The following LINGO2 variants were observed in gnomAD, a reference collection of about 807,000 sequenced individuals.
LINGO2 encodes the protein leucine rich repeat and Ig domain containing 2, also known as leucine-rich repeat and immunoglobulin-like domain-containing nogo receptor-interacting protein 2.
LINGO2 carries 14 observed loss-of-function variants against 30.6 expected under a neutral mutation model. The ratio of observed to expected loss-of-function variants is 0.46; its 90% CI spans 0.30 to 0.72. LINGO2 has a LOEUF of 0.72. LINGO2 is among the 30% of genes least tolerant of loss of function. The pLI is 0.07. For missense variants in LINGO2, 729 were observed against 751.7 expected (o/e 0.97, Z 0.35); for synonymous variants, 317 against 288.5 (o/e 1.10, Z -1.00).
chr9:28,140,670 G>A (rs1827646521), intron 4 of LINGO2, among the ~76,000 whole-genome samples: 1 of 152,022 alleles, frequency 6.6e-6, no homozygotes, highest in Non-Finnish European at 1.5e-5. Context: ...CCCATAGATG[G>A]AGTTATCACT....
At chr9:28,717,267 T>TAACTGAGCTCAAA in the LINGO2 span, among the ~76,000 whole-genome samples, 1 of 151,086 alleles carries the variant, frequency 6.6e-6, no homozygotes, top group Non-Finnish European at 1.5e-5. Flanking sequence ...CCATGGCACT[T>TAACTGAGCTCAAA]AACTGAGCTC....
chr9:29,149,970 A>G, the LINGO2 span, among the ~76,000 whole-genome samples: 2 of 152,056 alleles, frequency 1.3e-5, no homozygotes, highest in African/African-American at 4.8e-5. Context: ...GCTTGATGCC[A>G]GTTATTGAAG....
chr9:28,110,925 A>C (rs1826761969), intron 4 of LINGO2, among the ~76,000 whole-genome samples: 1 of 152,166 alleles, frequency 6.6e-6, no homozygotes, highest in Non-Finnish European at 1.5e-5. Context: ...TACTATAAAG[A>C]TACATGCACA....
chr9:28,777,069 C>T, the LINGO2 span, among the ~76,000 whole-genome samples: 705 of 152,090 alleles, frequency 4.6e-3, 12 homozygotes, highest in East Asian at 0.064. Context: ...CTTGGTGAGA[C>T]GCGCTTTCTT....
At chr9:28,627,855 T>A (rs1826751758) in intron 1 of LINGO2, among the ~76,000 whole-genome samples, 1 of 152,224 alleles carries the variant, frequency 6.6e-6, no homozygotes, top group African/African-American at 2.4e-5. Context: ...GCTAATGAGA[T>A]AAAATACCAA....
chr9:28,727,410 C>A, the LINGO2 span, among the ~76,000 whole-genome samples: 2 of 152,108 alleles, frequency 1.3e-5, no homozygotes, highest in East Asian at 3.9e-4. Context: ...CTCAGCCTCC[C>A]GAGTAGCTGG....
intron 4 of LINGO2, among the ~76,000 whole-genome samples, chr9:28,151,565 A>G (rs1308037342): frequency 6.6e-6 from 1 of 151,878 alleles, no homozygotes; most frequent in Non-Finnish European, 1.5e-5. Context: ...ATGTAATATA[A>G]TTCAAGATGT....
At chr9:28,044,810 A>C (rs1035188792) in intron 4 of LINGO2, among the ~76,000 whole-genome samples, 6 of 151,650 alleles carry the variant, frequency 4.0e-5, no homozygotes, top group Admixed American at 3.9e-4. Context: ...ATAAGGAATC[A>C]GAGACTTTTC....
intron 4 of LINGO2, among the ~76,000 whole-genome samples, chr9:28,131,029 T>C (rs1037872832): frequency 3.3e-5 from 5 of 152,106 alleles, no homozygotes; most frequent in African/African-American, 4.8e-5. Context: ...ACTTCTACCA[T>C]GCTCCCAGCC....
intron 4 of LINGO2, among the ~76,000 whole-genome samples, chr9:28,117,585 T>C (rs371508194): frequency 2.8e-5 from 3 of 105,862 alleles, no homozygotes; most frequent in Admixed American, 1.1e-4. Flanking sequence ...TAGGACCCTC[T>C]GAGCCAGGTG....
At chr9:28,962,184 A>G in the LINGO2 span, among the ~76,000 whole-genome samples, 3 of 152,136 alleles carry the variant, frequency 2.0e-5, no homozygotes, top group African/African-American at 7.2e-5. Context: ...AGATTAGCCA[A>G]TGTTTACCAG....
chr9:28,850,868 T>C, the LINGO2 span, among the ~76,000 whole-genome samples: 5 of 152,114 alleles, frequency 3.3e-5, no homozygotes, highest in East Asian at 9.7e-4. Flanking sequence ...CTCCCCAAAA[T>C]GCCCACTTTG....
intron 4 of LINGO2, among the ~76,000 whole-genome samples, chr9:28,073,543 G>A (rs1001819023): frequency 1.3e-5 from 2 of 152,100 alleles, no homozygotes; most frequent in Admixed American, 6.6e-5. Context: ...AACTAGATCA[G>A]TAATTAAAGG....
intron 1 of LINGO2, among the ~76,000 whole-genome samples, chr9:28,635,412 G>C (rs768127391): frequency 1.7e-4 from 26 of 152,120 alleles, no homozygotes; most frequent in Non-Finnish European, 2.5e-4. Context: ...AGTAGTAAAA[G>C]TTAGCTTAAC....
chr9:28,434,099 T>C (rs10968596), intron 2 of LINGO2, among the ~76,000 whole-genome samples: 12,910 of 151,444 alleles, frequency 0.085, 794 homozygotes, highest in East Asian at 0.23. Context: ...TAATTCAGGA[T>C]TGGAAAACCA....
At chr9:29,177,813 A>C in the LINGO2 span, among the ~76,000 whole-genome samples, 1 of 152,124 alleles carries the variant, frequency 6.6e-6, no homozygotes, top group African/African-American at 2.4e-5. Context: ...CATCATGTTG[A>C]AAATTGTCCC....
At chr9:29,204,157 G>A in the LINGO2 span, among the ~76,000 whole-genome samples, 3 of 152,118 alleles carry the variant, frequency 2.0e-5, no homozygotes, top group African/African-American at 7.2e-5. Context: ...AGTATAGCAT[G>A]TACTCCTTCA....
chr9:29,083,589 A>T, the LINGO2 span, among the ~76,000 whole-genome samples: 2 of 152,002 alleles, frequency 1.3e-5, no homozygotes, highest in Non-Finnish European at 2.9e-5. Flanking sequence ...ATAATAATAA[A>T]AAAAAGAAGA....
At chr9:28,732,796 T>A in the LINGO2 span, among the ~76,000 whole-genome samples, 5 of 152,212 alleles carry the variant, frequency 3.3e-5, no homozygotes, top group Admixed American at 1.3e-4. Flanking sequence ...CAATTAGCCA[T>A]TAATCTTCTC....
Sources: gnomAD v4.1 joint callset for allele counts (sites outside exome capture counted in the v4.1 genomes callset) on GRCh38, gnomAD v4.1.1 for gene constraint, MANE v1.5 for transcripts, NCBI Gene and HGNC (gene_info 2026-07-23, HGNC 2026-07-21) for gene names.